MAP3K20: variants seen among roughly 807,000 people sequenced by gnomAD.
MAP3K20 encodes the protein HCCS-4.
In MAP3K20, 40 loss-of-function variants were observed where a neutral mutation model predicts 85.7. That is an observed-to-expected ratio of 0.47 (90% CI 0.36 to 0.61). MAP3K20 has a LOEUF of 0.61. Ranked by LOEUF, MAP3K20 falls within the 20% of genes least tolerant of loss-of-function variation. The pLI is 0.00. For synonymous variants in MAP3K20, 325 were observed against 327.7 expected (o/e 0.99, Z 0.09); for missense variants, 817 against 961.7 (o/e 0.85, Z 1.99).
chr2:173,231,656 C>T (rs866322447), intron 12 of MAP3K20, among the ~76,000 whole-genome samples: 1 of 152,192 alleles, frequency 6.6e-6, no homozygotes, highest in African/African-American at 2.4e-5. Context: ...CTGTGAGAGG[C>T]CACCAGTAAA....
intron 2 of MAP3K20, among the ~76,000 whole-genome samples, chr2:173,164,346 G>A (rs369747201): frequency 6.6e-6 from 1 of 152,170 alleles, no homozygotes; most frequent in African/African-American, 2.4e-5. Flanking sequence ...TTGGCCGCAT[G>A]TATGTCTTCT....
intron 2 of MAP3K20, among the ~76,000 whole-genome samples, chr2:173,165,962 CCCCGT>C (rs1216742039): frequency 1.3e-5 from 2 of 152,202 alleles, no homozygotes; most frequent in Non-Finnish European, 2.9e-5. Flanking sequence ...AGGCATGAGT[CCCCGT>C]GCCTGGCCAG....
intron 10 of MAP3K20, chr2:173,210,755 C>T (rs1347176110): frequency 2.6e-5 from 4 of 152,160 alleles, no homozygotes; most frequent in East Asian, 3.9e-4. Context: ...TCCCGATAGC[C>T]GTGGGCAGTA....
At position 173,232,456 on chromosome 2, in the gene MAP3K20, C is replaced by G; in HGVS notation, c.1200C>G (p.Phe400Leu). The G allele has an allele frequency of 6.2e-7, 1 of 1,612,094 alleles. No individual in the cohort carries two copies. Among genetic ancestry groups the G allele is most frequent in the African/African-American group, 1.3e-5 (1 of 74,904 alleles). Reference sequence around the variant, plus strand: ...TCTCCAAGGGGCATATCATTCACTTCAAGGTACCTGAGAAAGGGACAACAT... The same window carrying G: ...TCTCCAAGGGGCATATCATTCACTTGAAGGTACCTGAGAAAGGGACAACAT... ...GIVSKGHIIH[F>L]KSAIEKLTHD... is the part of the protein sequence containing the mutation. Residue 400 changes from phenylalanine to leucine, a missense_variant, in exon 14 of 20, where the codon TTC becomes TTG. This residue lies in a region of MAP3K20 where 5 missense variants were observed against 20.0 expected (regional missense o/e 0.25). Transcript: ENST00000375213.
intron 2 of MAP3K20, among the ~76,000 whole-genome samples, chr2:173,094,499 A>G (rs1687402018): frequency 6.6e-6 from 1 of 152,156 alleles, no homozygotes; most frequent in South Asian, 2.1e-4. Context: ...AATTTTTCCA[A>G]CCCAGGATCC....
chr2:173,239,633 A>G, intron 16 of MAP3K20, 137 bp downstream of exon 16: 2 of 772,638 alleles, frequency 2.6e-6, no homozygotes, highest in Non-Finnish European at 3.9e-6. Context: ...TATAAAATAG[A>G]ATTTAGCTGA....
At chr2:173,265,157 G>T (rs1415413964) in intron 19 of MAP3K20, among the ~76,000 whole-genome samples, 3 of 152,242 alleles carry the variant, frequency 2.0e-5, no homozygotes, top group African/African-American at 7.2e-5. Flanking sequence ...CAGGCAGTGA[G>T]GAGACAGAGA....
At chr2:173,126,718 T>C (rs1688455287) in intron 2 of MAP3K20, among the ~76,000 whole-genome samples, 1 of 150,688 alleles carries the variant, frequency 6.6e-6, no homozygotes, top group Non-Finnish European at 1.5e-5. Context: ...GCATTTCTTA[T>C]TTTTATTAGC....
Position 173,152,280 on chromosome 2 carries a change from T to C in MAP3K20, c.160-17525T>C, listed in dbSNP as rs535635470. Reference sequence around the variant, plus strand: ...TATATTTGTTTACATGCAGAACGATTCTTGTCTCTTGAAGGTCATATTTAG... The same window carrying C: ...TATATTTGTTTACATGCAGAACGATCCTTGTCTCTTGAAGGTCATATTTAG... On this transcript the variant is annotated intron_variant, in intron 2 of 19. Coordinates refer to ENST00000375213, the MANE Select transcript of MAP3K20 (RefSeq NM_016653.3). Among the ~76,000 whole-genome samples, 5 of 152,348 alleles carry C rather than the reference T, an allele frequency of 3.3e-5. No homozygotes were observed. In the South Asian group the frequency reaches 6.2e-4, roughly 19 times the overall value.
chr2:173,187,458 A>G (rs1690521213), intron 4 of MAP3K20, 100 bp from the exon 5 acceptor site: 1 of 914,248 alleles, frequency 1.1e-6, no homozygotes, highest in Non-Finnish European at 1.7e-6. Flanking sequence ...AGACATGTGA[A>G]TTAGTTTCTG....
intron 14 of MAP3K20, among the ~76,000 whole-genome samples, chr2:173,233,452 G>GT (rs1423853410): frequency 6.6e-6 from 1 of 152,060 alleles, no homozygotes; most frequent in East Asian, 1.9e-4. Context: ...GTTTGTTTTT[G>GT]TTTTTTCAAT....
chr2:173,113,266 A>T (rs1050031878), intron 2 of MAP3K20, among the ~76,000 whole-genome samples: 2 of 151,850 alleles, frequency 1.3e-5, no homozygotes, highest in Non-Finnish European at 2.9e-5. Context: ...TAGTGGGGTT[A>T]TTTGGATTTT....
chr2:173,126,166 T>A (rs1483778993), intron 2 of MAP3K20, among the ~76,000 whole-genome samples: 1 of 152,168 alleles, frequency 6.6e-6, no homozygotes, highest in African/African-American at 2.4e-5. Context: ...ATTTTTAAAA[T>A]ACTTTGTGTA....
intron 4 of MAP3K20, among the ~76,000 whole-genome samples, chr2:173,186,965 CTTT>C (rs1016330473): frequency 1.3e-5 from 2 of 152,090 alleles, no homozygotes; most frequent in African/African-American, 4.8e-5. Flanking sequence ...CTACTGTATA[CTTT>C]TTTATCTGAA....
At chr2:173,244,303 T>C (rs1449162275) in intron 16 of MAP3K20, among the ~76,000 whole-genome samples, 3 of 152,194 alleles carry the variant, frequency 2.0e-5, no homozygotes, top group African/African-American at 4.8e-5. Context: ...AAAAGCTTTT[T>C]TGGAACCATG....
At chr2:173,223,139 G>C (rs905452883) in intron 11 of MAP3K20, 2 of 985,386 alleles carry the variant, frequency 2.0e-6, no homozygotes, top group Non-Finnish European at 2.4e-6. Context: ...ATAATGATCA[G>C]TATGCTGTGC....
intron 2 of MAP3K20, among the ~76,000 whole-genome samples, chr2:173,133,420 G>C (rs1473987457): frequency 2.0e-5 from 3 of 152,206 alleles, no homozygotes; most frequent in Non-Finnish European, 4.4e-5. Context: ...TTGATTTAGA[G>C]AGTGAGAGTC....
intron 3 of MAP3K20, among the ~76,000 whole-genome samples, chr2:173,180,394 C>T (rs910359184): frequency 3.9e-5 from 6 of 152,088 alleles, no homozygotes; most frequent in Non-Finnish European, 5.9e-5. Flanking sequence ...ATGCCAGGGC[C>T]GGGTGTGGTG....
chr2:173,173,154 CTGTGTGTGTGTGTGTGTG>C (rs57836780), intron 3 of MAP3K20, among the ~76,000 whole-genome samples: 1 of 138,512 alleles, frequency 7.2e-6, no homozygotes, highest in Non-Finnish European at 1.6e-5. Context: ...TCTTTTATTT[CTGTGTGTGTGTGTGTGTG>C]TGTGTGTGTG....
Sources: allele counts gnomAD v4.1 joint callset (sites outside exome capture counted in the v4.1 genomes callset), GRCh38; gene constraint gnomAD v4.1.1; regional missense constraint gnomAD v4.1.1; transcripts MANE v1.5; gene names NCBI Gene and HGNC (gene_info 2026-07-23, HGNC 2026-07-21).